CPNE8: variants seen among roughly 807,000 people sequenced by gnomAD.
CPNE8 encodes the protein copine 8.
CPNE8 carries 45 observed loss-of-function variants against 81.5 expected under a neutral mutation model. That is an observed-to-expected ratio of 0.55 (90% CI 0.44 to 0.71). The LOEUF is 0.71. Among genes scored for constraint, CPNE8 ranks in the 30% least tolerant of loss-of-function variants. The pLI is 0.00. For missense variants in CPNE8, 594 were observed against 672.1 expected (o/e 0.88, Z 1.28); for synonymous variants, 252 against 226.3 (o/e 1.11, Z -1.02).
At chr12:38,732,347 C>A (rs10876005) in intron 10 of CPNE8, among the ~76,000 whole-genome samples, 7 of 151,676 alleles carry the variant, frequency 4.6e-5, no homozygotes, top group Non-Finnish European at 1.0e-4. Flanking sequence ...TAACAAATCC[C>A]GACCCAACTG....
intron 10 of CPNE8, among the ~76,000 whole-genome samples, chr12:38,745,587 G>A (rs1411857513): frequency 1.3e-5 from 2 of 152,150 alleles, no homozygotes; most frequent in Non-Finnish European, 2.9e-5. Flanking sequence ...CTGTCTCCCA[G>A]GCTGGAGTGC....
At position 38,734,812 on chromosome 12, in the gene CPNE8, A is replaced by G. The variant is rs1940915923; in HGVS notation, c.723-4454T>C. 2.0e-5 allele frequency among the ~76,000 whole-genome samples: 3 copies of G among 152,122 alleles called. No homozygotes were observed. In the South Asian group the frequency reaches 6.2e-4, roughly 31 times the overall value. ...CTCCAGACACTTATACATTTTGTCA[A>G]TAAAGAAGCTTTAATCAAATTAATT... On this transcript the variant is annotated intron_variant, in intron 10 of 19. Coordinates refer to ENST00000331366, the MANE Select transcript of CPNE8 (RefSeq NM_153634.3).
chr12:38,773,372 G>A (rs1941849607), intron 7 of CPNE8, among the ~76,000 whole-genome samples: 1 of 152,126 alleles, frequency 6.6e-6, no homozygotes, highest in African/African-American at 2.4e-5. Flanking sequence ...CATTGTAAGT[G>A]ACTAATATAT....
intron 19 of CPNE8, among the ~76,000 whole-genome samples, chr12:38,660,638 C>G (rs1165554223): frequency 6.6e-6 from 1 of 152,126 alleles, no homozygotes; most frequent in Non-Finnish European, 1.5e-5. Context: ...AACTAAAGAG[C>G]TTCTGCACAG....
chr12:38,685,923 T>A (rs1939523979), intron 15 of CPNE8, among the ~76,000 whole-genome samples: 1 of 152,080 alleles, frequency 6.6e-6, no homozygotes, highest in African/African-American at 2.4e-5. Context: ...ATTAATAGTA[T>A]CTTAATTTAC....
chr12:38,691,127 T>TACA (rs1939666135), intron 15 of CPNE8, among the ~76,000 whole-genome samples: 1 of 152,206 alleles, frequency 6.6e-6, no homozygotes, highest in Non-Finnish European at 1.5e-5. Context: ...TATCATGGTG[T>TACA]TAATATAAGC....
At chr12:38,754,439 T>C (rs1198789060) in intron 10 of CPNE8, among the ~76,000 whole-genome samples, 1 of 152,036 alleles carries the variant, frequency 6.6e-6, no homozygotes, top group Non-Finnish European at 1.5e-5. Context: ...AAAAAACACA[T>C]TAAATAAAAT....
intron 6 of CPNE8, among the ~76,000 whole-genome samples, chr12:38,824,408 A>T (rs778052121): frequency 6.6e-6 from 1 of 152,160 alleles, no homozygotes; most frequent in Non-Finnish European, 1.5e-5. Context: ...ATAATTTCAA[A>T]TTCTAAGTTG....
intron 6 of CPNE8, among the ~76,000 whole-genome samples, chr12:38,796,878 C>G (rs184120249): frequency 6.6e-6 from 1 of 152,036 alleles, no homozygotes; most frequent in Non-Finnish European, 1.5e-5. Context: ...TAAAAAATGG[C>G]GCACCAGGAG....
chr12:38,704,850 A>G lies in CPNE8; in HGVS notation c.915-1929T>C, dbSNP rs1375776569. ...TGTATATATATATATATATATATAT[A>G]TATATATATATATTTAAATTTCGGC... On this transcript the variant is annotated intron_variant, in intron 13 of 19. Transcript: ENST00000331366. 9.7e-5 allele frequency among the ~76,000 whole-genome samples: 13 copies of G among 134,232 alleles called. No individual in the cohort carries two copies. The East Asian group carries it at 1.7e-3, about 17-fold the overall frequency. 88.1% of individuals were successfully genotyped at this position (134,232 alleles called of 152,430 possible).
intron 19 of CPNE8, among the ~76,000 whole-genome samples, chr12:38,661,930 A>G (rs1406279065): frequency 6.6e-6 from 1 of 151,596 alleles, no homozygotes; most frequent in African/African-American, 2.4e-5. Flanking sequence ...CGATAGATGC[A>G]GAAAAAGCAT....
intron 3 of CPNE8, among the ~76,000 whole-genome samples, chr12:38,852,121 T>C (rs1943656057): frequency 6.6e-6 from 1 of 152,170 alleles, no homozygotes; most frequent in South Asian, 2.1e-4. Context: ...TATATTTTGC[T>C]ACTATACATT....
chr12:38,816,923 C>T (rs1198324819), intron 6 of CPNE8, among the ~76,000 whole-genome samples: 3 of 152,216 alleles, frequency 2.0e-5, no homozygotes, highest in African/African-American at 7.2e-5. Context: ...TACTTACTGG[C>T]ATTTGTTCTC....
chr12:38,794,988 ATCT>A lies in CPNE8; in HGVS notation c.408-18690_408-18688del, dbSNP rs747167332. Among the ~76,000 whole-genome samples the A allele has an allele frequency of 9.2e-5, 14 of 152,262 alleles. No homozygotes were observed. The East Asian group carries it at 1.9e-3, about 21-fold the overall frequency. On this transcript the variant is annotated intron_variant, in intron 6 of 19. Transcript: ENST00000331366. ...AGACCCTTACTTGCTGAATCTTCTG[ATCT>A]TCTTCTTTCTCCTGTGCTGGATACT...
intron 1 of CPNE8, among the ~76,000 whole-genome samples, chr12:38,892,004 T>A (rs183300782): frequency 1.3e-5 from 2 of 152,314 alleles, no homozygotes; most frequent in East Asian, 3.9e-4. Flanking sequence ...GTACAAGAAA[T>A]GTTGTCTGGG....
chr12:38,844,492 A>G lies in CPNE8; in HGVS notation c.290+4067T>C, dbSNP rs188674716. Among the ~76,000 whole-genome samples the G allele has an allele frequency of 2.6e-5, 4 of 152,340 alleles. No individual in the cohort carries two copies. The East Asian group carries it at 7.7e-4, about 29-fold the overall frequency. ...TCTGTGATATATACATAGCATGATG[A>G]AAGAAACCATGTCTCCTGAATGAGT... On this transcript the variant is annotated intron_variant, in intron 4 of 19. Coordinates refer to ENST00000331366, the MANE Select transcript of CPNE8 (RefSeq NM_153634.3).
chr12:38,736,338 T>C (rs1592049228), intron 10 of CPNE8, among the ~76,000 whole-genome samples: 1 of 151,714 alleles, frequency 6.6e-6, no homozygotes, highest in East Asian at 1.9e-4. Context: ...CTCTTGATTA[T>C]ATCCACACAA....
In CPNE8 at chr12:38,700,807, C is replaced by T. The variant is rs59996410; in HGVS notation, c.961+2068G>A. 0.016 allele frequency among the ~76,000 whole-genome samples: 2,428 copies of T among 152,194 alleles called. 289 individuals carry two copies. In the East Asian group the frequency reaches 0.32, roughly 20 times the overall value. On this transcript the variant is annotated intron_variant, in intron 14 of 19. Coordinates refer to ENST00000331366, the MANE Select transcript of CPNE8 (RefSeq NM_153634.3). ...TGTTCTCATAATAGTGAATAAGTCT[C>T]ATAAGATCTGATGGTCTTATAAAGG...
intron 4 of CPNE8, among the ~76,000 whole-genome samples, chr12:38,845,174 C>T (rs1163362987): frequency 6.6e-6 from 1 of 152,074 alleles, no homozygotes; most frequent in African/African-American, 2.4e-5. Flanking sequence ...AATTGCCACC[C>T]CTTACCAATC....
Sources: allele counts gnomAD v4.1 joint callset (sites outside exome capture counted in the v4.1 genomes callset), GRCh38; gene constraint gnomAD v4.1.1; transcripts MANE v1.5; gene names NCBI Gene and HGNC (gene_info 2026-07-23, HGNC 2026-07-21).